Variants in TBC1D16 observed in about 807,000 individuals in gnomAD.
TBC1D16 encodes the protein CTD-2529O21.1.
Under a neutral mutation model 74.7 loss-of-function variants are expected in TBC1D16, and 58 were observed. The observed-to-expected ratio is 0.78, with a 90% CI of 0.63 to 0.97. The LOEUF (loss-of-function observed/expected upper bound fraction) is 0.97, where lower values mean the gene tolerates loss of function less well. TBC1D16 is among the 50% of genes least tolerant of loss of function. TBC1D16 has a pLI of 0.00. For synonymous variants in TBC1D16, 493 were observed against 474.7 expected, an observed-to-expected ratio of 1.04 and a Z score of -0.50; for missense variants, 1,014 against 1,079.5, an observed-to-expected ratio of 0.94 and a Z score of 0.85.
chr17:79,952,884 G>A (rs1456888495), intron 3 of TBC1D16, 66 bp from the exon 4 acceptor site: 4 of 1,528,786 alleles, frequency 2.6e-6, no homozygotes, highest in South Asian at 1.2e-5. Flanking sequence ...GAGGGGGACG[G>A]GGGTCATGGG....
In TBC1D16 at chr17:79,947,638, GCCTCACCAGTT is replaced by G; in HGVS notation, c.1724_1728+6del. ...CCCTTGGACGCACCCATCCCCCTGAGCCTCACCAGTTGTTTCTCCATGTCCTCGTCCCGGGG... is the reference window on the plus strand; with the variant it reads ...CCCTTGGACGCACCCATCCCCCTGAGGTTTCTCCATGTCCTCGTCCCGGGG... On this transcript the variant is annotated splice_donor_variant and splice_donor_5th_base_variant and coding_sequence_variant and intron_variant, in exon 9 of 12. Coordinates refer to ENST00000310924, the MANE Select transcript of TBC1D16 (RefSeq NM_019020.4). LOFTEE classifies it high-confidence loss of function. The G allele has an allele frequency of 6.2e-7, 1 of 1,613,962 alleles. No homozygotes were observed. Among genetic ancestry groups the G allele is most frequent in the South Asian group, 1.1e-5 (1 of 91,052 alleles).
intron 3 of TBC1D16, among the ~76,000 whole-genome samples, chr17:79,973,999 C>T (rs148574057): frequency 0.011 from 1,606 of 152,332 alleles, 14 homozygotes; most frequent in Non-Finnish European, 0.016. Context: ...TAAAAGGAAG[C>T]GCTTTATGGC....
At position 80,001,272 on chromosome 17, in the gene TBC1D16, A is replaced by T. The variant is rs2035476001; in HGVS notation, c.779+8888T>A. Among the ~76,000 whole-genome samples the T allele has an allele frequency of 6.6e-6, 1 of 151,510 alleles. No individual in the cohort carries two copies. The highest frequency in any genetic ancestry group is 1.5e-5 in the Non-Finnish European group (1 of 67,878). On this transcript the variant is annotated intron_variant, in intron 3 of 11. Coordinates refer to ENST00000310924, the MANE Select transcript of TBC1D16 (RefSeq NM_019020.4). This position sits in a 1 kb window ranked among gnomAD's most constrained non-coding sequence, Gnocchi z 5.8. ...GGCCACCTTGGCTTGGGCAGGGGGG[A>T]GTCTGGGGGAGGGAGGAACGCCACA...
rs2034936832 is a variant in TBC1D16 at position 79,988,574 on chromosome 17, G to GC, written c.779+21585dup. On this transcript the variant is annotated intron_variant, in intron 3 of 11. Coordinates refer to ENST00000310924, the MANE Select transcript of TBC1D16 (RefSeq NM_019020.4). This position sits in a 1 kb window ranked among gnomAD's most constrained non-coding sequence, Gnocchi z 5.7. ...TCGGCAAGCCAGGGTCCTGGTGAACGCACGTGCCTGCGTTCTGTACCAAAC... is the reference window on the plus strand; with the variant it reads ...TCGGCAAGCCAGGGTCCTGGTGAACGCCACGTGCCTGCGTTCTGTACCAAAC... 6.6e-6 allele frequency among the ~76,000 whole-genome samples: 1 copy of GC among 152,212 alleles called. No individual in the cohort carries two copies. The highest frequency in any genetic ancestry group is 2.4e-5 in the African/African-American group (1 of 41,456).
rs377194357 is a variant in TBC1D16 at position 79,981,862 on chromosome 17, G to T, written c.779+28298C>A. Among the ~76,000 whole-genome samples the T allele has an allele frequency of 3.5e-4, 54 of 152,356 alleles. 1 individual carries two copies. The East Asian group carries it at 8.9e-3, about 25-fold the overall frequency. On this transcript the variant is annotated intron_variant, in intron 3 of 11. Transcript: ENST00000310924. This position sits in a 1 kb window ranked among gnomAD's most constrained non-coding sequence, Gnocchi z 6.9. Reference sequence around the variant, plus strand: ...CAACCTCAATCCCACTCCTCCAAGGGCGCGCCAGGGAACAGCAGGACGCGG... The same window carrying T: ...CAACCTCAATCCCACTCCTCCAAGGTCGCGCCAGGGAACAGCAGGACGCGG...
intron 10 of TBC1D16, among the ~76,000 whole-genome samples, chr17:79,943,099 C>G (rs1204182031): frequency 6.6e-6 from 1 of 152,232 alleles, no homozygotes; most frequent in Non-Finnish European, 1.5e-5. Context: ...GGAACGGTGT[C>G]CCCGGCCCAG....
In TBC1D16 at chr17:80,010,681, G is replaced by A; in HGVS notation, c.258C>T (p.Arg86=). The part of the protein sequence containing the change: ...TLILAWVPNS[R]IQRQDEEALR... ...GGGCCTCCTCGTCCTGCCTCTGGAT[G>A]CGAGAGTTGGGGACCCATGCCAGGA... The change falls in exon 3 of 12, where the codon CGC becomes CGT. Residue 86 remains arginine (R), a synonymous_variant. Coordinates refer to ENST00000310924, the MANE Select transcript of TBC1D16 (RefSeq NM_019020.4). This position sits in a 1 kb window ranked among gnomAD's most constrained non-coding sequence, Gnocchi z 8.8. 2 of 1,525,378 alleles carry A rather than the reference G, an allele frequency of 1.3e-6. No individual in the cohort carries two copies. The highest frequency in any genetic ancestry group is 2.3e-5 in the East Asian group (1 of 44,098). 94.5% of individuals were successfully genotyped at this position (1,525,378 alleles called of 1,614,324 possible). A position where few individuals can be genotyped will look rare whatever the true frequency, so the allele number is the denominator to read the frequency against.
intron 1 of TBC1D16, among the ~76,000 whole-genome samples, chr17:80,016,010 C>CAAA (rs60327293): frequency 1.1e-4 from 10 of 89,662 alleles, no homozygotes; most frequent in African/African-American, 2.2e-4. Context: ...GACTCCATCT[C>CAAA]AAAAAAAAAA....
At chr17:80,024,376 C>T (rs2036415603) in intron 1 of TBC1D16, among the ~76,000 whole-genome samples, 1 of 149,864 alleles carries the variant, frequency 6.7e-6, no homozygotes, top group African/African-American at 2.5e-5. Flanking sequence ...ACCACAGACA[C>T]ACACACCATA....
At chr17:80,028,583 A>G (rs979709768) in intron 1 of TBC1D16, among the ~76,000 whole-genome samples, 5 of 151,898 alleles carry the variant, frequency 3.3e-5, no homozygotes, top group African/African-American at 1.2e-4. Flanking sequence ...TAAAAGCGTC[A>G]ATGCTGATTC....
chr17:80,013,939 T>C (rs7213859), intron 1 of TBC1D16, among the ~76,000 whole-genome samples: 151,253 of 152,324 alleles, frequency 0.99, 75,146 homozygotes, highest in Middle Eastern at 1. Flanking sequence ...CTACAGAAAC[T>C]CTGTTCCCAC....
chr17:79,957,421 G>A (rs981394818), intron 3 of TBC1D16, among the ~76,000 whole-genome samples: 1 of 152,194 alleles, frequency 6.6e-6, no homozygotes, highest in African/African-American at 2.4e-5. Flanking sequence ...TCTTACGAAG[G>A]GGTTTACTAA....
chr17:80,017,573 C>A (rs566654454), intron 1 of TBC1D16, among the ~76,000 whole-genome samples: 5 of 147,598 alleles, frequency 3.4e-5, no homozygotes, highest in Admixed American at 6.9e-5. Flanking sequence ...CCCAGCTACT[C>A]GGGAGGCTCA....
At chr17:80,025,018 A>C (rs112887631) in intron 1 of TBC1D16, among the ~76,000 whole-genome samples, 100,085 of 104,222 alleles carry the variant, frequency 0.96, 48,126 homozygotes, top group Non-Finnish European at 0.97. Flanking sequence ...ACACACACAC[A>C]CACCACAGAT....
In TBC1D16 at chr17:80,024,493, A is replaced by G. The variant is rs2036443298; in HGVS notation, c.-62-10884T>C. Among the ~76,000 whole-genome samples the G allele has an allele frequency of 1.4e-5, 2 of 138,290 alleles. 1 individual carries two copies. The highest frequency in any genetic ancestry group is 3.0e-5 in the Non-Finnish European group (2 of 65,712). 90.7% of individuals were successfully genotyped at this position (138,290 alleles called of 152,430 possible). ...CACACACCACACACCATAGACACAC[A>G]CCACACGCACCATAGACAAACCACG... On this transcript the variant is annotated intron_variant, in intron 1 of 11. Transcript: ENST00000310924.
At chr17:79,959,610 G>C (rs2033501644) in intron 3 of TBC1D16, among the ~76,000 whole-genome samples, 1 of 152,204 alleles carries the variant, frequency 6.6e-6, no homozygotes, top group Admixed American at 6.5e-5. Context: ...AGACAATTCA[G>C]TGGAGAAAGG....
At chr17:79,997,415 G>C (rs1279038134) in intron 3 of TBC1D16, among the ~76,000 whole-genome samples, 2 of 152,014 alleles carry the variant, frequency 1.3e-5, no homozygotes, top group Non-Finnish European at 2.9e-5. Flanking sequence ...GTGGCTAATG[G>C]AAAATTTTAA....
chr17:79,958,873 T>C (rs1257222890), intron 3 of TBC1D16, among the ~76,000 whole-genome samples: 1 of 152,182 alleles, frequency 6.6e-6, no homozygotes, highest in African/African-American at 2.4e-5. Context: ...TTCTAGTCCA[T>C]GCTCTCACAG....
At chr17:80,030,381 G>T (rs1255453617) in intron 1 of TBC1D16, among the ~76,000 whole-genome samples, 1 of 152,146 alleles carries the variant, frequency 6.6e-6, no homozygotes, top group Non-Finnish European at 1.5e-5. Flanking sequence ...CGACGTCCCT[G>T]TGAGGGCAGC....
Sources: gnomAD v4.1 joint callset for allele counts (sites outside exome capture counted in the v4.1 genomes callset) on GRCh38, gnomAD v4.1.1 for gene constraint, Gnocchi (gnomAD v3.1) non-coding constraint, MANE v1.5 for transcripts, NCBI Gene and HGNC (gene_info 2026-07-23, HGNC 2026-07-21) for gene names.